The following CITED2 variants were observed in gnomAD, a reference collection of about 807,000 sequenced individuals.
The protein encoded by CITED2 is cbp/p300-interacting transactivator 2.
A neutral mutation model predicts 11.8 loss-of-function variants in CITED2; 2 were observed. That is an observed-to-expected ratio of 0.17 (90% CI 0.07 to 0.54). The LOEUF (loss-of-function observed/expected upper bound fraction) is 0.54. Among genes scored for constraint, CITED2 ranks in the 20% least tolerant of loss-of-function variants. The probability of loss-of-function intolerance (pLI) is 0.94; values close to 1 mark genes in which losing one functional copy is unlikely to be tolerated. For missense variants in CITED2, 437 were observed against 390.2 expected, an observed-to-expected ratio of 1.12 and a Z score of -1.01; for synonymous variants, 210 against 153.0, an observed-to-expected ratio of 1.37 and a Z score of -2.75.
chr6:139,373,762 G>A lies in CITED2; in HGVS notation c.183C>T (p.Gly61=), dbSNP rs947381366. Residue 61 remains glycine (G), a synonymous_variant, in exon 2 of 2, where the codon GGC becomes GGT. Coordinates refer to ENST00000367651, the MANE Select transcript of CITED2 (RefSeq NM_006079.5). ...TGATGCCGCTCGTGGCATTCATGTT[G>A]CCCGCGCCGTAGTGTATGTGCTCGC... ...LMGEHIHYGA[G]NMNATSGIRH... The A allele has an allele frequency of 1.1e-5, 17 of 1,610,830 alleles. No homozygotes were observed. In the African/African-American group the frequency reaches 1.3e-4, roughly 13 times the overall value.
rs143587316 is a variant in CITED2 at position 139,373,963 on chromosome 6, A to G, written c.-8-11T>C. 9,176 of 1,595,364 alleles carry G rather than the reference A, an allele frequency of 5.8e-3. 49 individuals are homozygous for G. The highest frequency in any genetic ancestry group is 6.7e-3 in the Admixed American group (398 of 59,564). The stretch of plus-strand genomic sequence containing the variant: ...CTGCCATTTCCAGTCCTGGAAGTGA[A>G]AAGGGCAGATAATGAGACCCGCGCC... On this transcript the variant is annotated splice_polypyrimidine_tract_variant and intron_variant, in intron 1 of 1. Transcript: ENST00000367651.
chr6:139,373,203 G>A lies in CITED2; in HGVS notation c.742C>T (p.Leu248=), dbSNP rs767700153. Residue 248 remains leucine (L), a synonymous_variant, in exon 2 of 2, where the codon CTG becomes TTG. Transcript: ENST00000367651. Reference sequence around the variant, plus strand: ...ATAAAATCAAACTCGTTTTGCCCCAGCCAGAGTTCGGGCAGCTCCTTGATG... The same window carrying A: ...ATAAAATCAAACTCGTTTTGCCCCAACCAGAGTTCGGGCAGCTCCTTGATG... ...DRIKELPELW[L]GQNEFDFMTD... 4.3e-6 allele frequency: 7 copies of A among 1,614,220 alleles called. No individual in the cohort carries two copies. Among genetic ancestry groups the A allele is most frequent in the Non-Finnish European group, 5.1e-6 (6 of 1,180,044 alleles).
Position 139,374,096 on chromosome 6 carries a change from C to T in CITED2, c.-8-144G>A, listed in dbSNP as rs968947488. On this transcript the variant is annotated intron_variant, in intron 1 of 1. Coordinates refer to ENST00000367651, the MANE Select transcript of CITED2 (RefSeq NM_006079.5). Reference sequence around the variant, plus strand: ...ACCACCCCCAAGATCCCACTAACAGCCTGTGCACCCGGGCTAGCCACCACG... The same window carrying T: ...ACCACCCCCAAGATCCCACTAACAGTCTGTGCACCCGGGCTAGCCACCACG... 64 of 1,510,756 alleles carry T rather than the reference C, an allele frequency of 4.2e-5. No individual in the cohort carries two copies. In the African/African-American group the frequency reaches 5.0e-4, roughly 12 times the overall value. The allele number at this position is 1,510,756 out of a possible 1,614,324, so 93.6% of individuals were successfully genotyped here.
In CITED2 at chr6:139,372,692, C is replaced by T. The variant is rs776027476; in HGVS notation, c.*440G>A. 59 of 225,770 alleles carry T rather than the reference C, an allele frequency of 2.6e-4. No homozygotes were observed. Among genetic ancestry groups the T allele is most frequent in the Non-Finnish European group, 4.0e-4 (44 of 109,540 alleles). The allele number at this position is 225,770 out of a possible 1,614,324, so 14.0% of individuals were successfully genotyped here. A position where few individuals can be genotyped will look rare whatever the true frequency, so the allele number is the denominator to read the frequency against. On this transcript the variant is annotated 3_prime_UTR_variant, in exon 2 of 2. Transcript: ENST00000367651. The stretch of plus-strand genomic sequence containing the variant: ...TGGCAGTTTGTGCAGTAATATCTGC[C>T]CTTCGAAGTTCATGCAACCAACTAA...
chr6:139,372,875 C>CA lies in CITED2; in HGVS notation c.*256dup, dbSNP rs1228246134. On this transcript the variant is annotated 3_prime_UTR_variant, in exon 2 of 2. Transcript: ENST00000367651. ...AGTAAAAACAAACAACGAAAAAGAC[C>CA]AAGTTAGCTAGATATTTCAACTACA... The CA allele has an allele frequency of 5.7e-6, 3 of 527,490 alleles. No individual in the cohort carries two copies. The highest frequency in any genetic ancestry group is 1.0e-5 in the Non-Finnish European group (3 of 292,874). 32.7% of individuals were successfully genotyped at this position (527,490 alleles called of 1,614,324 possible).
Position 139,374,139 on chromosome 6 carries a change from AAC to A in CITED2, c.-8-189_-8-188del, listed in dbSNP as rs1374939411. The A allele has an allele frequency of 3.4e-6, 5 of 1,476,652 alleles. No individual in the cohort carries two copies. In the East Asian group the frequency reaches 1.2e-4, roughly 37 times the overall value. The allele number at this position is 1,476,652 out of a possible 1,614,324, so 91.5% of individuals were successfully genotyped here. A position where few individuals can be genotyped will look rare whatever the true frequency, so the allele number is the denominator to read the frequency against. ...CCACCACGGAAGAGCTACCACTCAT[AAC>A]ACAGCCGGACGCTGCACAAACAGCC... On this transcript the variant is annotated intron_variant, in intron 1 of 1. Coordinates refer to ENST00000367651, the MANE Select transcript of CITED2 (RefSeq NM_006079.5).
chr6:139,373,112 T>C lies in CITED2; in HGVS notation c.*20A>G. On this transcript the variant is annotated 3_prime_UTR_variant, in exon 2 of 2. Coordinates refer to ENST00000367651, the MANE Select transcript of CITED2 (RefSeq NM_006079.5). ...GAAGAAGTTGGGGGTTTGATTTCTTTCGCCGGGGTTTCGATCGAGTCAACA... is the reference window on the plus strand; with the variant it reads ...GAAGAAGTTGGGGGTTTGATTTCTTCCGCCGGGGTTTCGATCGAGTCAACA... 6.2e-7 allele frequency: 1 copy of C among 1,609,274 alleles called. No homozygotes were observed. The highest frequency in any genetic ancestry group is 8.5e-7 in the Non-Finnish European group (1 of 1,175,648).
Position 139,373,093 on chromosome 6 carries a change from G to A in CITED2, c.*39C>T, listed in dbSNP as rs755093279. 1.9e-6 allele frequency: 3 copies of A among 1,564,748 alleles called. No individual in the cohort carries two copies. Among genetic ancestry groups the A allele is most frequent in the Non-Finnish European group, 2.6e-6 (3 of 1,135,404 alleles). ...GTTTCTTTTAATTCACGCCGAAGAA[G>A]TTGGGGGTTTGATTTCTTTCGCCGG... On this transcript the variant is annotated 3_prime_UTR_variant, in exon 2 of 2. Transcript: ENST00000367651.
In CITED2 at chr6:139,373,978, A is replaced by G. The variant is rs1342524015; in HGVS notation, c.-8-26T>C. 8 of 1,583,926 alleles carry G rather than the reference A, an allele frequency of 5.1e-6. No homozygotes were observed. The African/African-American group carries it at 5.4e-5, about 11-fold the overall frequency. On this transcript the variant is annotated intron_variant, in intron 1 of 1. Coordinates refer to ENST00000367651, the MANE Select transcript of CITED2 (RefSeq NM_006079.5). Reference sequence around the variant, plus strand: ...CTGGAAGTGAAAAGGGCAGATAATGAGACCCGCGCCACACGTGTCGCCCAC... The same window carrying G: ...CTGGAAGTGAAAAGGGCAGATAATGGGACCCGCGCCACACGTGTCGCCCAC...
At chr6:139,374,069 C>T in intron 1 of CITED2, 117 bp from the exon 2 acceptor site, 1 of 1,524,684 alleles carries the variant, frequency 6.6e-7, no homozygotes, top group African/African-American at 1.4e-5. Flanking sequence ...CGGCTGCGAA[C>T]CACCACCCCC....
intron 1 of CITED2, 166 bp from the exon 2 acceptor site, chr6:139,374,118 C>A: frequency 6.7e-7 from 1 of 1,492,782 alleles, no homozygotes; most frequent in South Asian, 1.3e-5. Flanking sequence ...GGCTAGCCAC[C>A]ACGGAAGAGC....
chr6:139,374,433 G>T lies in CITED2; in HGVS notation c.-29C>A, dbSNP rs1341795673. ...CTTACCTTCCGTTTTTGCGATTTCT[G>T]CTCCGAAGACCGAGGGCGGGCTCGT... On this transcript the variant is annotated 5_prime_UTR_variant, in exon 1 of 2. Transcript: ENST00000367651. 2 of 402,662 alleles carry T rather than the reference G, an allele frequency of 5.0e-6. No individual in the cohort carries two copies. The highest frequency in any genetic ancestry group is 4.1e-5 in the Admixed American group (1 of 24,650). 24.9% of individuals were successfully genotyped at this position (402,662 alleles called of 1,614,324 possible).
Position 139,374,394 on chromosome 6 carries a change from C to T in CITED2, c.-9+19G>A. ...CTGGGCTGGCAAGAGCCCCAGCCAG[C>T]TTCGCCCGTCGCGCTTACCTTCCGT... On this transcript the variant is annotated intron_variant, in intron 1 of 1. Transcript: ENST00000367651. The T allele has an allele frequency of 2.2e-6, 1 of 461,936 alleles. No homozygotes were observed. The highest frequency in any genetic ancestry group is 3.8e-6 in the Non-Finnish European group (1 of 264,970). The allele number at this position is 461,936 out of a possible 1,614,324, so 28.6% of individuals were successfully genotyped here. A position where few individuals can be genotyped will look rare whatever the true frequency, so the allele number is the denominator to read the frequency against.
At position 139,373,404 on chromosome 6, in the gene CITED2, T is replaced by TGCCAGAGCCGCCGGGGGTGCTGCTGCC. The variant is rs755831648; in HGVS notation, c.514_540dup (p.Gly172_Gly180dup). ...CTGCCCGCGCCGCCGCCCGAGCTGC[T>TGCCAGAGCCGCCGGGGGTGCTGCTGCC]GCCAGAGCCGCCGGGGGTGCTGCTG... On this transcript the variant is annotated inframe_insertion, in exon 2 of 2. Transcript: ENST00000367651. The TGCCAGAGCCGCCGGGGGTGCTGCTGCC allele has an allele frequency of 4.5e-6, 7 of 1,554,592 alleles. No homozygotes were observed. The African/African-American group carries it at 8.5e-5, about 19-fold the overall frequency.
rs1480368678 is a variant in CITED2 at position 139,374,549 on chromosome 6, AGCGGCC to A, written c.-151_-146del. ...CGCGATGTCGGCGCCGAGGTCTCGC[AGCGGCC>A]GCTGGGGCAGATTCGGAGCCGTTCC... On this transcript the variant is annotated 5_prime_UTR_variant, in exon 1 of 2. Coordinates refer to ENST00000367651, the MANE Select transcript of CITED2 (RefSeq NM_006079.5). 4 of 196,534 alleles carry A rather than the reference AGCGGCC, an allele frequency of 2.0e-5. No individual in the cohort carries two copies. Among genetic ancestry groups the A allele is most frequent in the African/African-American group, 4.6e-5 (2 of 43,058 alleles). The allele number at this position is 196,534 out of a possible 1,614,324, so 12.2% of individuals were successfully genotyped here. A position where few individuals can be genotyped will look rare whatever the true frequency, so the allele number is the denominator to read the frequency against.
At chr6:139,374,384 C>A in intron 1 of CITED2, 29 bp downstream of exon 1, 1 of 481,732 alleles carries the variant, frequency 2.1e-6, no homozygotes, top group Non-Finnish European at 3.6e-6. Flanking sequence ...CTGGCAAGAG[C>A]CCCAGCCAGC....
intron 1 of CITED2, 117 bp downstream of exon 1, chr6:139,374,296 T>C (rs1778332398): frequency 2.3e-5 from 20 of 884,766 alleles, no homozygotes; most frequent in Non-Finnish European, 3.1e-5. Flanking sequence ...CTCATCCTGT[T>C]GTTGCACATC....
At chr6:139,374,152 G>GCTGCAC in intron 1 of CITED2, 200 bp from the exon 2 acceptor site, 1 of 1,466,976 alleles carries the variant, frequency 6.8e-7, no homozygotes. Flanking sequence ...ACAGCCGGAC[G>GCTGCAC]CTGCACAAAC....
At position 139,372,853 on chromosome 6, in the gene CITED2, A is replaced by G; in HGVS notation, c.*279T>C. ...ACTGGAGAAAGTGAGGGAAAGGAGT[A>G]AAAACAAACAACGAAAAAGACCAAG... On this transcript the variant is annotated 3_prime_UTR_variant, in exon 2 of 2. Transcript: ENST00000367651. 2.1e-6 allele frequency: 1 copy of G among 483,526 alleles called. No individual in the cohort carries two copies. Among genetic ancestry groups the G allele is most frequent in the Non-Finnish European group, 3.8e-6 (1 of 264,900 alleles). The allele number at this position is 483,526 out of a possible 1,614,324, so 30.0% of individuals were successfully genotyped here.
Sources: allele counts gnomAD v4.1 joint callset, GRCh38; gene constraint gnomAD v4.1.1; transcripts MANE v1.5; gene names NCBI Gene and HGNC (gene_info 2026-07-23, HGNC 2026-07-21).